Variants in TMEM163 observed in about 807,000 individuals in gnomAD.
TMEM163 encodes transmembrane protein 163.
A neutral mutation model predicts 29.3 loss-of-function variants in TMEM163; 17 were observed. The ratio of observed to expected loss-of-function variants is 0.58; its 90% confidence interval spans 0.40 to 0.87. The LOEUF (loss-of-function observed/expected upper bound fraction) is 0.87, where lower values mean the gene tolerates loss of function less well. Ranked by LOEUF, TMEM163 falls within the 40% of genes least tolerant of loss-of-function variation. TMEM163 has a pLI of 0.00. For missense variants in TMEM163, 303 were observed against 381.5 expected (o/e 0.79, Z 1.71); for synonymous variants, 157 against 160.6 (o/e 0.98, Z 0.17).
intron 2 of TMEM163, among the ~76,000 whole-genome samples, chr2:134,570,133 G>A (rs1336064933): frequency 1.3e-5 from 2 of 151,908 alleles, no homozygotes; most frequent in Non-Finnish European, 2.9e-5. Context: ...TCCTTTAAGT[G>A]AAAAGGTGAA....
intron 4 of TMEM163, among the ~76,000 whole-genome samples, chr2:134,518,893 A>C (rs1314339933): frequency 6.6e-6 from 1 of 152,216 alleles, no homozygotes; most frequent in African/African-American, 2.4e-5. Context: ...CAGCAGAGAC[A>C]GTTATAGTAT....
intron 2 of TMEM163, among the ~76,000 whole-genome samples, chr2:134,682,501 C>T (rs1249380430): frequency 6.6e-6 from 1 of 152,128 alleles, no homozygotes; most frequent in Non-Finnish European, 1.5e-5. Context: ...AGAAAGTAGG[C>T]CCAAGTCTAC....
chr2:134,571,917 T>A (rs903068585), intron 2 of TMEM163, among the ~76,000 whole-genome samples: 5 of 152,206 alleles, frequency 3.3e-5, no homozygotes, highest in Non-Finnish European at 7.4e-5. Flanking sequence ...GTATTCAGCA[T>A]AAACCACATG....
intron 2 of TMEM163, among the ~76,000 whole-genome samples, chr2:134,582,382 G>GCAAGTT: frequency 6.6e-6 from 1 of 152,340 alleles, no homozygotes; most frequent in African/African-American, 2.4e-5. Flanking sequence ...AAGTGCAAGT[G>GCAAGTT]CTCTACAAAC....
intron 2 of TMEM163, among the ~76,000 whole-genome samples, chr2:134,646,835 T>C (rs977272731): frequency 6.6e-6 from 1 of 152,198 alleles, no homozygotes; most frequent in African/African-American, 2.4e-5. Context: ...GATGAAGGCA[T>C]ACAAGAAACA....
chr2:134,599,495 C>T (rs1558959623), intron 2 of TMEM163, among the ~76,000 whole-genome samples: 2 of 151,990 alleles, frequency 1.3e-5, no homozygotes, highest in African/African-American at 4.8e-5. Flanking sequence ...TGGCAGTCTG[C>T]ACCCGGAGGA....
At chr2:134,700,834 G>C (rs1684683510) in intron 2 of TMEM163, among the ~76,000 whole-genome samples, 1 of 151,932 alleles carries the variant, frequency 6.6e-6, no homozygotes, top group Admixed American at 6.6e-5. Context: ...AGGAGGCAGA[G>C]GTTGCAGTGA....
chr2:134,673,949 G>A (rs1336020003), intron 2 of TMEM163, among the ~76,000 whole-genome samples: 1 of 152,148 alleles, frequency 6.6e-6, no homozygotes, highest in Non-Finnish European at 1.5e-5. Flanking sequence ...TTACTATACG[G>A]AATCAGAATG....
At chr2:134,585,651 AGGATGGCGT>A (rs757880783) in intron 2 of TMEM163, among the ~76,000 whole-genome samples, 4 of 151,778 alleles carry the variant, frequency 2.6e-5, no homozygotes, top group Non-Finnish European at 4.4e-5. Flanking sequence ...CTGAAGCAGG[AGGATGGCGT>A]GAACCCGGGA....
intron 2 of TMEM163, among the ~76,000 whole-genome samples, chr2:134,608,656 G>A (rs1205260668): frequency 2.4e-5 from 2 of 85,038 alleles, no homozygotes; most frequent in Non-Finnish European, 5.1e-5. Context: ...GACAGACCCC[G>A]AGAACTGTAC....
intron 2 of TMEM163, among the ~76,000 whole-genome samples, chr2:134,681,531 C>G (rs1323972993): frequency 6.6e-6 from 1 of 152,112 alleles, no homozygotes; most frequent in Non-Finnish European, 1.5e-5. Context: ...TTCTCTTTCT[C>G]TCTCTTTCTG....
intron 5 of TMEM163, among the ~76,000 whole-genome samples, chr2:134,501,192 G>A (rs1349841522): frequency 1.3e-5 from 2 of 152,160 alleles, no homozygotes; most frequent in African/African-American, 4.8e-5. Context: ...AGGTACAGAT[G>A]GTATGGGTTC....
chr2:134,713,249 C>T lies in TMEM163; in HGVS notation c.273G>A (p.Val91=), dbSNP rs1252902950. 1.9e-6 allele frequency: 3 copies of T among 1,614,172 alleles called. No homozygotes were observed. Among genetic ancestry groups the T allele is most frequent in the Non-Finnish European group, 2.5e-6 (3 of 1,180,018 alleles). The change falls in exon 2 of 8, where the codon GTG becomes GTA. Residue 91 remains valine, a synonymous_variant. Transcript: ENST00000281924. ...GGGTGACAATGATGGAGAACCAGGA[C>T]ACCCACAATGCCTTCTTCCTGTAGT... ...AQNYRKKALW[V]SWFSIIVTLA...
intron 2 of TMEM163, among the ~76,000 whole-genome samples, chr2:134,676,791 A>G (rs1377420635): frequency 1.3e-5 from 2 of 152,252 alleles, no homozygotes; most frequent in East Asian, 3.8e-4. Context: ...AATCAATATC[A>G]TACAATATCA....
At chr2:134,672,640 T>C (rs964023755) in intron 2 of TMEM163, among the ~76,000 whole-genome samples, 1 of 152,112 alleles carries the variant, frequency 6.6e-6, no homozygotes, top group Admixed American at 6.5e-5. Flanking sequence ...GCCTCCTAAA[T>C]TGCTGAAATT....
intron 5 of TMEM163, among the ~76,000 whole-genome samples, chr2:134,479,724 G>C (rs567297409): frequency 1.3e-5 from 2 of 152,300 alleles, no homozygotes; most frequent in Admixed American, 6.5e-5. Flanking sequence ...GTAAAAATGA[G>C]GTAACTCCCC....
intron 4 of TMEM163, among the ~76,000 whole-genome samples, chr2:134,527,132 C>T (rs1205490850): frequency 3.3e-5 from 5 of 152,162 alleles, no homozygotes; most frequent in Non-Finnish European, 4.4e-5. Context: ...ATTTGTCAGT[C>T]ATGACTATTA....
chr2:134,691,355 C>T (rs1030941475), intron 2 of TMEM163, among the ~76,000 whole-genome samples: 1 of 152,160 alleles, frequency 6.6e-6, no homozygotes, highest in Non-Finnish European at 1.5e-5. Context: ...AGCGTAGGCA[C>T]CAAACATCAA....
chr2:134,586,126 T>C (rs1681817176), intron 2 of TMEM163, among the ~76,000 whole-genome samples: 4 of 152,228 alleles, frequency 2.6e-5, no homozygotes, highest in Admixed American at 2.6e-4. Flanking sequence ...ACTGAAATTC[T>C]TCGGATGGCA....
Sources: allele counts gnomAD v4.1 joint callset (sites outside exome capture counted in the v4.1 genomes callset), GRCh38; gene constraint gnomAD v4.1.1; transcripts MANE v1.5; gene names NCBI Gene and HGNC (gene_info 2026-07-23, HGNC 2026-07-21).